The following PALM2AKAP2 variants were observed in gnomAD, a reference collection of about 807,000 sequenced individuals.
PALM2AKAP2 encodes PALM2-AKAP2 fusion protein.
Under a neutral mutation model 71.5 loss-of-function variants are expected in PALM2AKAP2, and 37 were observed. The ratio of observed to expected loss-of-function variants is 0.52; its 90% CI spans 0.40 to 0.68. The LOEUF is 0.68. Ranked by LOEUF, PALM2AKAP2 falls within the 30% of genes least tolerant of loss-of-function variation. PALM2AKAP2 has a pLI of 0.00. For missense variants in PALM2AKAP2, 1,224 were observed against 1,191.8 expected (o/e 1.03, Z -0.40); for synonymous variants, 468 against 478.8 (o/e 0.98, Z 0.29).
At chr9:109,865,096 C>CTTTTT (rs58922983) in intron 1 of PALM2AKAP2, among the ~76,000 whole-genome samples, 25,593 of 73,626 alleles carry the variant, frequency 0.35, 7,996 homozygotes, top group South Asian at 0.47. Context: ...CTACTCATTC[C>CTTTTT]TTTTTTTTTT....
At chr9:109,755,380 T>C (rs1828943909) in intron 1 of PALM2AKAP2, among the ~76,000 whole-genome samples, 1 of 152,150 alleles carries the variant, frequency 6.6e-6, no homozygotes, top group South Asian at 2.1e-4. Context: ...CTTTCTGTAA[T>C]GTGTCCAGCT....
At chr9:109,836,160 G>A (rs545370311) in intron 1 of PALM2AKAP2, among the ~76,000 whole-genome samples, 7 of 152,234 alleles carry the variant, frequency 4.6e-5, no homozygotes, top group South Asian at 2.1e-4. Flanking sequence ...TCACATGGCC[G>A]GATACCCCTC....
chr9:109,739,411 T>C (rs2118680691), intron 1 of PALM2AKAP2, among the ~76,000 whole-genome samples: 1 of 152,310 alleles, frequency 6.6e-6, no homozygotes, highest in Non-Finnish European at 1.5e-5. Context: ...AAAAAATAGA[T>C]GTCATGACTG....
intron 6 of PALM2AKAP2, among the ~76,000 whole-genome samples, chr9:110,014,617 A>G (rs944393952): frequency 6.6e-6 from 1 of 150,990 alleles, no homozygotes; most frequent in Non-Finnish European, 1.5e-5. Context: ...TACTAAAAAT[A>G]CAAAAATTAG....
At chr9:109,962,185 C>A (rs777196177) in intron 6 of PALM2AKAP2, among the ~76,000 whole-genome samples, 35 of 152,150 alleles carry the variant, frequency 2.3e-4, no homozygotes, top group Non-Finnish European at 4.6e-4. Flanking sequence ...CCTCTTGTAC[C>A]CCAGTTTCTT....
intron 1 of PALM2AKAP2, among the ~76,000 whole-genome samples, chr9:110,101,613 G>A (rs1835002920): frequency 6.6e-6 from 1 of 152,168 alleles, no homozygotes; most frequent in Admixed American, 6.5e-5. Context: ...CGTGCTTTCA[G>A]GTGCAAACAG....
At chr9:109,944,581 A>G (rs539503219) in intron 6 of PALM2AKAP2, 16 of 152,326 alleles carry the variant, frequency 1.1e-4, no homozygotes, top group Non-Finnish European at 1.9e-4. Context: ...AAAACTTTAA[A>G]AAACTTTTAA....
At chr9:109,668,326 C>G (rs940910437) in intron 1 of PALM2AKAP2, among the ~76,000 whole-genome samples, 3 of 152,210 alleles carry the variant, frequency 2.0e-5, no homozygotes, top group Non-Finnish European at 2.9e-5. Context: ...GTTTATAAAA[C>G]TGTCATTTGC....
intron 1 of PALM2AKAP2, among the ~76,000 whole-genome samples, chr9:109,849,061 G>A (rs1828938540): frequency 6.6e-6 from 1 of 152,138 alleles, no homozygotes; most frequent in African/African-American, 2.4e-5. Context: ...GAGGAGAGGA[G>A]AGGAAGGGGC....
chr9:109,692,711 A>G (rs1181189164), intron 1 of PALM2AKAP2, among the ~76,000 whole-genome samples: 1 of 152,026 alleles, frequency 6.6e-6, no homozygotes, highest in East Asian at 1.9e-4. Context: ...TTCCTTTTAA[A>G]ATATGTTAAT....
intron 6 of PALM2AKAP2, among the ~76,000 whole-genome samples, chr9:109,935,804 A>G (rs2132015657): frequency 6.6e-6 from 1 of 152,286 alleles, no homozygotes; most frequent in South Asian, 2.1e-4. Flanking sequence ...CTGATCCCAA[A>G]GCACTGAGAG....
intron 2 of PALM2AKAP2, chr9:110,148,439 C>T (rs935974773): frequency 6.6e-6 from 1 of 152,210 alleles, no homozygotes; most frequent in African/African-American, 2.4e-5. Context: ...TCTCCCACCC[C>T]TGGGGCCTTC....
At chr9:109,901,717 C>G (rs1338831359) in intron 3 of PALM2AKAP2, among the ~76,000 whole-genome samples, 1 of 152,130 alleles carries the variant, frequency 6.6e-6, no homozygotes, top group Non-Finnish European at 1.5e-5. Context: ...ACAATTAGAG[C>G]AAGGCAGGAG....
At chr9:109,680,758 A>G (rs1208995833) in intron 1 of PALM2AKAP2, among the ~76,000 whole-genome samples, 1 of 152,228 alleles carries the variant, frequency 6.6e-6, no homozygotes, top group Non-Finnish European at 1.5e-5. Context: ...TACAAAAAGC[A>G]TAATATAATA....
chr9:109,966,029 G>C (rs1051785281), intron 6 of PALM2AKAP2, among the ~76,000 whole-genome samples: 5 of 152,172 alleles, frequency 3.3e-5, no homozygotes, highest in Non-Finnish European at 4.4e-5. Flanking sequence ...ATGATGTTGT[G>C]ATCTGTTTTG....
intron 3 of PALM2AKAP2, among the ~76,000 whole-genome samples, chr9:109,885,811 G>T (rs1230190274): frequency 1.3e-5 from 2 of 152,184 alleles, no homozygotes; most frequent in Non-Finnish European, 2.9e-5. Flanking sequence ...AACAGCCTTG[G>T]TTTACCAGGC....
At chr9:109,791,357 A>G (rs186721328) in intron 1 of PALM2AKAP2, among the ~76,000 whole-genome samples, 5 of 152,276 alleles carry the variant, frequency 3.3e-5, no homozygotes, top group Admixed American at 2.6e-4. Context: ...ATCTCTTTCT[A>G]CTTGACATGT....
chr9:110,108,118 C>CTT (rs371354620), intron 1 of PALM2AKAP2, among the ~76,000 whole-genome samples: 126 of 111,218 alleles, frequency 1.1e-3, no homozygotes, highest in Non-Finnish European at 1.9e-3. Flanking sequence ...TTCTTTTTTT[C>CTT]TTTTTTTTTT....
intron 3 of PALM2AKAP2, among the ~76,000 whole-genome samples, chr9:109,882,854 G>T: frequency 6.6e-6 from 1 of 151,292 alleles, no homozygotes; most frequent in African/African-American, 2.4e-5. Flanking sequence ...TCACTATGTT[G>T]CTTAGGCTGG....
Sources: allele counts gnomAD v4.1 joint callset (sites outside exome capture counted in the v4.1 genomes callset), GRCh38; gene constraint gnomAD v4.1.1; transcripts MANE v1.5; gene names NCBI Gene and HGNC (gene_info 2026-07-23, HGNC 2026-07-21).